Variants in SLC5A4 observed in about 807,000 individuals in gnomAD.
SLC5A4 encodes probable glucose sensor protein SLC5A4.
Under a neutral mutation model 70.3 loss-of-function variants are expected in SLC5A4, and 55 were observed. That is an observed-to-expected ratio of 0.78 (90% CI 0.63 to 0.98). The LOEUF is 0.98. Among genes scored for constraint, SLC5A4 ranks in the 50% least tolerant of loss-of-function variants. The probability of loss-of-function intolerance (pLI) is 0.00; values close to 1 mark genes in which losing one functional copy is unlikely to be tolerated. For missense variants in SLC5A4, 735 were observed against 839.2 expected (o/e 0.88, Z 1.53); for synonymous variants, 268 against 305.7 (o/e 0.88, Z 1.29).
chr22:32,286,271 C>T, the SLC5A4 span, among the ~76,000 whole-genome samples: 8 of 152,238 alleles, frequency 5.3e-5, no homozygotes, highest in Non-Finnish European at 1.5e-5. Flanking sequence ...TTGATTTGGT[C>T]ATAGTGTTTT....
chr22:32,251,961 G>A (rs1051789090), intron 2 of SLC5A4, 87 bp from the exon 3 acceptor site: 2 of 953,920 alleles, frequency 2.1e-6, no homozygotes, highest in African/African-American at 3.2e-5. Context: ...TGGGCGTGGT[G>A]GCTCACGCCT....
At chr22:32,329,546 T>C in the SLC5A4 span, among the ~76,000 whole-genome samples, 1 of 139,636 alleles carries the variant, frequency 7.2e-6, no homozygotes, top group Non-Finnish European at 1.5e-5. Flanking sequence ...TCTGTGTCTG[T>C]TGAGGGGCTC....
At chr22:32,334,196 A>G in the SLC5A4 span, among the ~76,000 whole-genome samples, 1 of 152,144 alleles carries the variant, frequency 6.6e-6, no homozygotes, top group South Asian at 2.1e-4. Context: ...ACCATGCCAC[A>G]CAGACTCCTG....
At position 32,224,493 on chromosome 22, in the gene SLC5A4, A is replaced by AT. The variant is rs1246104949; in HGVS notation, c.1450-12_1450-11insA. 1.1e-5 allele frequency: 18 copies of AT among 1,594,252 alleles called. No homozygotes were observed. Among genetic ancestry groups the AT allele is most frequent in the Non-Finnish European group, 1.5e-5 (18 of 1,162,250 alleles). Reference sequence around the variant, plus strand: ...ACCCCAGAATGCTCCCTGCAAAAGAAGCAAGAAGAAAATCAGAATGTTTAG... The same window carrying AT: ...ACCCCAGAATGCTCCCTGCAAAAGAATGCAAGAAGAAAATCAGAATGTTTAG... On this transcript the variant is annotated splice_polypyrimidine_tract_variant and intron_variant, in intron 12 of 14. Coordinates refer to ENST00000266086, the MANE Select transcript of SLC5A4 (RefSeq NM_014227.3).
chr22:32,318,582 A>T, the SLC5A4 span, among the ~76,000 whole-genome samples: 48 of 152,216 alleles, frequency 3.2e-4, no homozygotes, highest in East Asian at 2.5e-3. Flanking sequence ...CTTCCTTTGG[A>T]ATCTCAACAA....
At chr22:32,284,190 G>A in the SLC5A4 span, among the ~76,000 whole-genome samples, 1 of 152,162 alleles carries the variant, frequency 6.6e-6, no homozygotes, top group Non-Finnish European at 1.5e-5. Flanking sequence ...CAAAAAGACT[G>A]CCAGGAAAGC....
At chr22:32,236,996 G>A (rs1163051619) in intron 7 of SLC5A4, among the ~76,000 whole-genome samples, 2 of 152,004 alleles carry the variant, frequency 1.3e-5, no homozygotes, top group South Asian at 2.1e-4. Context: ...GAGCCACCGC[G>A]CCCGGCCTCT....
chr22:32,328,649 A>G, the SLC5A4 span, among the ~76,000 whole-genome samples: 1 of 152,202 alleles, frequency 6.6e-6, no homozygotes, highest in Non-Finnish European at 1.5e-5. Context: ...CTTTGACTGC[A>G]GCCTCCTGAG....
At chr22:32,332,758 G>A in the SLC5A4 span, among the ~76,000 whole-genome samples, 6 of 152,264 alleles carry the variant, frequency 3.9e-5, no homozygotes, top group Middle Eastern at 3.4e-3. Context: ...ACATCCCCAT[G>A]GTAAAGGTTA....
chr22:32,267,571 T>C, the SLC5A4 span, among the ~76,000 whole-genome samples: 5 of 152,300 alleles, frequency 3.3e-5, no homozygotes, highest in East Asian at 9.6e-4. Context: ...TTCAACTTCT[T>C]GGGCTCAGGC....
At chr22:32,283,541 A>G in the SLC5A4 span, among the ~76,000 whole-genome samples, 1 of 152,336 alleles carries the variant, frequency 6.6e-6, no homozygotes, top group East Asian at 1.9e-4. Flanking sequence ...CATGGTATAT[A>G]TAGTTCCACC....
At chr22:32,224,607 C>T (rs1925286339) in intron 12 of SLC5A4, 125 bp from the exon 13 acceptor site, 1 of 724,968 alleles carries the variant, frequency 1.4e-6, no homozygotes, top group South Asian at 1.8e-5. Context: ...ACCTTGGGCA[C>T]AAGGTTACCG....
chr22:32,340,882 G>A, the SLC5A4 span, among the ~76,000 whole-genome samples: 3 of 152,304 alleles, frequency 2.0e-5, no homozygotes, highest in East Asian at 1.9e-4. Context: ...TGCCACTGTC[G>A]GGGACACAGG....
chr22:32,331,021 G>T, the SLC5A4 span, among the ~76,000 whole-genome samples: 5 of 119,978 alleles, frequency 4.2e-5, no homozygotes, highest in Admixed American at 1.6e-4. Flanking sequence ...GCTCTGGTGT[G>T]TGTGTGTGTT....
At chr22:32,344,471 GTACA>G in the SLC5A4 span, among the ~76,000 whole-genome samples, 1 of 151,948 alleles carries the variant, frequency 6.6e-6, no homozygotes, top group African/African-American at 2.4e-5. Flanking sequence ...TTATGTACAC[GTACA>G]TAAAGTTTTT....
intron 7 of SLC5A4, among the ~76,000 whole-genome samples, chr22:32,235,523 T>C (rs1926008119): frequency 6.6e-6 from 1 of 152,174 alleles, no homozygotes; most frequent in South Asian, 2.1e-4. Context: ...GCCTCTCTTC[T>C]TGACCCAGAG....
the SLC5A4 span, among the ~76,000 whole-genome samples, chr22:32,313,248 G>A: frequency 6.6e-6 from 1 of 152,186 alleles, no homozygotes; most frequent in Non-Finnish European, 1.5e-5. Context: ...GACCTCAGCA[G>A]TTACTAGGGT....
At position 32,247,420 on chromosome 22, in the gene SLC5A4, C is replaced by A. The variant is rs1475528099; in HGVS notation, c.468G>T (p.Leu156Phe). 1.9e-6 allele frequency: 3 copies of A among 1,611,380 alleles called. No homozygotes were observed. The highest frequency in any genetic ancestry group is 1.3e-5 in the African/African-American group (1 of 74,994). Residue 156 changes from leucine (L) to phenylalanine (F), a missense_variant, in exon 5 of 15, where the codon TTG becomes TTT. Transcript: ENST00000266086. ...SILSLFICVV[L>F]LISADIFAGA... ...GAGGCTCTGAACTCACAGAAATTAA[C>A]AAAACCACACAGATGAAGAGGGAGA...
At chr22:32,347,868 A>T in the SLC5A4 span, among the ~76,000 whole-genome samples, 3 of 152,056 alleles carry the variant, frequency 2.0e-5, no homozygotes, top group Non-Finnish European at 2.9e-5. Context: ...TAATAAAATT[A>T]AAAAAAGAAA....
Sources: gnomAD v4.1 joint callset for allele counts (sites outside exome capture counted in the v4.1 genomes callset) on GRCh38, gnomAD v4.1.1 for gene constraint, MANE v1.5 for transcripts, NCBI Gene and HGNC (gene_info 2026-07-23, HGNC 2026-07-21) for gene names.